DACH2: variants seen among roughly 807,000 people sequenced by gnomAD.
DACH2 encodes the protein dachshund homolog 2.
DACH2 carries 17 observed loss-of-function variants against 35.8 expected under a neutral mutation model. The ratio of observed to expected loss-of-function variants is 0.48; its 90% CI spans 0.33 to 0.71. The LOEUF is 0.71. DACH2 is among the 30% of genes least tolerant of loss of function. The pLI, the probability that DACH2 is intolerant of heterozygous loss-of-function variation, is 0.02. For synonymous variants in DACH2, 195 were observed against 177.3 expected (o/e 1.10, Z -0.79); for missense variants, 469 against 472.7 (o/e 0.99, Z 0.07).
At chrX:86,699,624 G>A (rs1381780771) in intron 5 of DACH2, among the ~76,000 whole-genome samples, 1 of 111,517 alleles carries the variant, frequency 9.0e-6, no homozygotes, top group African/African-American at 3.3e-5. Context: ...AATTCAATAT[G>A]CGATTTGGAT....
chrX:86,730,145 A>G (rs1356016514), intron 6 of DACH2, among the ~76,000 whole-genome samples: 1 of 111,363 alleles, frequency 9.0e-6, no homozygotes, highest in Non-Finnish European at 1.9e-5. Context: ...ACTGATGATC[A>G]TAACACTTTG....
At chrX:86,696,126 T>C in intron 5 of DACH2, among the ~76,000 whole-genome samples, 1 of 111,707 alleles carries the variant, frequency 9.0e-6, no homozygotes, top group South Asian at 3.7e-4. Flanking sequence ...ATATTACTTT[T>C]GTATATATCT....
chrX:86,656,035 C>G (rs1479997009), intron 4 of DACH2, among the ~76,000 whole-genome samples: 8 of 100,338 alleles, frequency 8.0e-5, no homozygotes, highest in Non-Finnish European at 1.6e-4. Context: ...AAGCTCCCCC[C>G]CCCCACTAAT....
At position 86,148,472 on chromosome X, in the gene DACH2, T is replaced by G; in HGVS notation, c.-149T>G. The G allele has an allele frequency of 4.6e-6, 3 of 646,483 alleles. No individual in the cohort carries two copies. Among genetic ancestry groups the G allele is most frequent in the Non-Finnish European group, 6.8e-6 (3 of 439,174 alleles). The allele number at this position is 646,483 out of a possible 1,213,427, so 53.3% of individuals were successfully genotyped here. Reference sequence around the variant, plus strand: ...GCTCACTGTTTGTTGAGCTTGAGCGTGAGCCGGCTGCTGAAGACTTGCGAA... The same window carrying G: ...GCTCACTGTTTGTTGAGCTTGAGCGGGAGCCGGCTGCTGAAGACTTGCGAA... On this transcript the variant is annotated 5_prime_UTR_variant, in exon 1 of 12. Coordinates refer to ENST00000373125, the MANE Select transcript of DACH2 (RefSeq NM_053281.3).
At position 86,585,783 on chromosome X, in the gene DACH2, T is replaced by C. The variant is rs551532438; in HGVS notation, c.641-65253T>C. Among the ~76,000 whole-genome samples the C allele has an allele frequency of 3.1e-4, 35 of 111,745 alleles. 1 individual carries two copies. The South Asian group carries it at 9.7e-3, about 31-fold the overall frequency. On this transcript the variant is annotated intron_variant, in intron 3 of 11. Transcript: ENST00000373125. Reference sequence around the variant, plus strand: ...TCTGTTTAGTACTCCATGGTGTATATGTACCACACTTTCATTATTCAATTT... The same window carrying C: ...TCTGTTTAGTACTCCATGGTGTATACGTACCACACTTTCATTATTCAATTT...
rs747559482 is a variant in DACH2, at chrX:86,279,398, G to T, written c.489-97426G>T. On this transcript the variant is annotated intron_variant, in intron 1 of 11. Coordinates refer to ENST00000373125, the MANE Select transcript of DACH2 (RefSeq NM_053281.3). ...CCACCACTGGTAATACCCAGGCAAAGAGGGTCTGGAGAGGACCTCCAGCAG... is the reference window on the plus strand; with the variant it reads ...CCACCACTGGTAATACCCAGGCAAATAGGGTCTGGAGAGGACCTCCAGCAG... Among the ~76,000 whole-genome samples, 5 of 112,155 alleles carry T rather than the reference G, an allele frequency of 4.5e-5. No individual in the cohort carries two copies. The Admixed American group carries it at 4.7e-4, about 11-fold the overall frequency.
rs1460473691 is a variant in DACH2 at position 86,574,347 on chromosome X, T to A, written c.640+59956T>A. On this transcript the variant is annotated intron_variant, in intron 3 of 11. Coordinates refer to ENST00000373125, the MANE Select transcript of DACH2 (RefSeq NM_053281.3). ...CTAATTTTTACCAGCCAATTAAAAC[T>A]ATGCATCACTAATGCTTACTGTGGT... Among the ~76,000 whole-genome samples the A allele has an allele frequency of 4.5e-5, 5 of 111,460 alleles. No homozygotes were observed. In the East Asian group the frequency reaches 1.4e-3, roughly 32 times the overall value.
chrX:86,755,571 G>C (rs1266823749), intron 7 of DACH2, among the ~76,000 whole-genome samples: 3 of 106,193 alleles, frequency 2.8e-5, no homozygotes, highest in Non-Finnish European at 5.8e-5. Flanking sequence ...TTACATTAAA[G>C]GCTTTAATCC....
rs779940776 is a variant in DACH2, at chrX:86,407,729, T to C, written c.527+30867T>C. Among the ~76,000 whole-genome samples the C allele has an allele frequency of 5.4e-5, 6 of 111,881 alleles. No individual in the cohort carries two copies. In the East Asian group the frequency reaches 1.7e-3, roughly 32 times the overall value. On this transcript the variant is annotated intron_variant, in intron 2 of 11. Transcript: ENST00000373125. ...AAGATTTAAAAGCATGGGGGTTACA[T>C]GTGAGAAGGATAGGCAGAGCATTGA...
intron 1 of DACH2, among the ~76,000 whole-genome samples, chrX:86,153,132 G>A (rs2030423144): frequency 9.0e-6 from 1 of 111,340 alleles, no homozygotes; most frequent in African/African-American, 3.3e-5. Flanking sequence ...ACTGATTAAT[G>A]TTATTCGGTC....
At chrX:86,816,143 G>A in intron 11 of DACH2, 44 bp downstream of exon 11, 2 of 935,231 alleles carry the variant, frequency 2.1e-6, no homozygotes, top group South Asian at 3.1e-5. Flanking sequence ...CTTAATATGT[G>A]ACCCCTGGGG....
At chrX:86,739,911 G>A in intron 7 of DACH2, 29 bp downstream of exon 7, 1 of 1,152,310 alleles carries the variant, frequency 8.7e-7, no homozygotes. Context: ...ACAGGTAATT[G>A]GAAAACATTG....
chrX:86,827,054 G>A (rs1331504378), intron 11 of DACH2, among the ~76,000 whole-genome samples: 1 of 112,084 alleles, frequency 8.9e-6, no homozygotes, highest in East Asian at 2.8e-4. Flanking sequence ...TGTTTATAGA[G>A]GTAAACAACT....
At chrX:86,745,848 C>T (rs2041706623) in intron 7 of DACH2, among the ~76,000 whole-genome samples, 1 of 111,338 alleles carries the variant, frequency 9.0e-6, no homozygotes, top group Non-Finnish European at 1.9e-5. Flanking sequence ...TTTACATTTC[C>T]ACCACCAGTG....
chrX:86,474,877 G>T (rs772010769), intron 2 of DACH2, among the ~76,000 whole-genome samples: 16 of 111,490 alleles, frequency 1.4e-4, no homozygotes, highest in Non-Finnish European at 2.6e-4. Context: ...GGGATTACAG[G>T]TGCCCACCAC....
At chrX:86,265,777 G>A (rs369120482) in intron 1 of DACH2, among the ~76,000 whole-genome samples, 44 of 111,619 alleles carry the variant, frequency 3.9e-4, no homozygotes, top group East Asian at 3.1e-3. Flanking sequence ...CTTCAAAAAG[G>A]GAGGCAAGGG....
chrX:86,585,348 T>C, intron 3 of DACH2, among the ~76,000 whole-genome samples: 1 of 111,001 alleles, frequency 9.0e-6, no homozygotes, highest in Non-Finnish European at 1.9e-5. Context: ...GTTATTCTGA[T>C]GGATGTGAAA....
In DACH2 at chrX:86,639,322, A is replaced by C. The variant is rs760803039; in HGVS notation, c.641-11714A>C. Among the ~76,000 whole-genome samples the C allele has an allele frequency of 4.4e-4, 49 of 111,530 alleles. 1 individual carries two copies. Among genetic ancestry groups the C allele is most frequent in the African/African-American group, 3.6e-4 (11 of 30,587 alleles). On this transcript the variant is annotated intron_variant, in intron 3 of 11. Transcript: ENST00000373125. ...CTGGGAAACCACACTTCTCCCATAG[A>C]TCTTTGCAACACTCAGGTCAGGATA...
chrX:86,165,728 A>C (rs960619641), intron 1 of DACH2, among the ~76,000 whole-genome samples: 1 of 111,020 alleles, frequency 9.0e-6, no homozygotes, highest in Non-Finnish European at 1.9e-5. Context: ...TATTCTGATT[A>C]TTAATACCTT....
Sources: allele counts gnomAD v4.1 joint callset (sites outside exome capture counted in the v4.1 genomes callset), GRCh38; gene constraint gnomAD v4.1.1; transcripts MANE v1.5; gene names NCBI Gene and HGNC (gene_info 2026-07-23, HGNC 2026-07-21).